Variants in LSAMP observed in about 807,000 individuals in gnomAD.
The protein encoded by LSAMP is limbic system-associated membrane protein.
Under a neutral mutation model 38.6 loss-of-function variants are expected in LSAMP, and 7 were observed. The ratio of observed to expected loss-of-function variants is 0.18; its 90% CI spans 0.10 to 0.34. The LOEUF is 0.34. Ranked by LOEUF, LSAMP falls within the 10% of genes least tolerant of loss-of-function variation. The pLI is 1.00. For missense variants in LSAMP, 313 were observed against 420.0 expected (o/e 0.75, Z 2.23); for synonymous variants, 154 against 166.8 (o/e 0.92, Z 0.59).
chr3:115,898,680 C>G (rs1207996790), intron 3 of LSAMP, among the ~76,000 whole-genome samples: 1 of 151,170 alleles, frequency 6.6e-6, no homozygotes, highest in Non-Finnish European at 1.5e-5. Flanking sequence ...TGAGACTCAC[C>G]TAGTACCCAG....
intron 1 of LSAMP, among the ~76,000 whole-genome samples, chr3:116,335,234 A>T (rs1576137916): frequency 6.6e-6 from 1 of 152,064 alleles, no homozygotes; most frequent in East Asian, 1.9e-4. Flanking sequence ...AAATGAAAAC[A>T]CATGTCATGT....
At chr3:116,013,010 T>C (rs1940376290) in intron 3 of LSAMP, among the ~76,000 whole-genome samples, 1 of 152,204 alleles carries the variant, frequency 6.6e-6, no homozygotes, top group Non-Finnish European at 1.5e-5. Context: ...CTAGGCCACG[T>C]ACAAAGTTTC....
intron 6 of LSAMP, among the ~76,000 whole-genome samples, chr3:115,826,145 C>T (rs965810610): frequency 2.1e-5 from 3 of 142,392 alleles, no homozygotes; most frequent in East Asian, 1.9e-4. Flanking sequence ...GACAGAGTCT[C>T]GATCTGTCAC....
intron 3 of LSAMP, among the ~76,000 whole-genome samples, chr3:115,955,221 A>G (rs1576253633): frequency 6.6e-6 from 1 of 152,110 alleles, no homozygotes; most frequent in African/African-American, 2.4e-5. Flanking sequence ...GGCGTGAGCC[A>G]CCGCGCCTGG....
chr3:116,444,926 G>C lies in LSAMP; in HGVS notation c.106C>G (p.Arg36Gly), dbSNP rs765575323. ...GLPVRSVDFNRGTDNITVRQG... is the reference protein window; with the variant it reads ...GLPVRSVDFNGGTDNITVRQG... ...CTCACGGTGATGTTGTCCGTGCCTCGGTTAAAATCCACGCTGCGAACAGGC... is the reference window on the plus strand; with the variant it reads ...CTCACGGTGATGTTGTCCGTGCCTCCGTTAAAATCCACGCTGCGAACAGGC... The change falls in exon 1 of 7, where the codon CGA becomes GGA. Residue 36 changes from arginine (R) to glycine (G), a missense_variant. Coordinates refer to ENST00000490035, the MANE Select transcript of LSAMP (RefSeq NM_002338.5). The C allele has an allele frequency of 2.5e-6, 4 of 1,614,060 alleles. No homozygotes were observed. The highest frequency in any genetic ancestry group is 1.6e-4 in the Middle Eastern group (1 of 6,062).
chr3:116,413,373 C>A (rs983893573), intron 1 of LSAMP, among the ~76,000 whole-genome samples: 2 of 151,972 alleles, frequency 1.3e-5, no homozygotes, highest in African/African-American at 4.8e-5. Flanking sequence ...CCAAATAACA[C>A]TTTCTCATTT....
chr3:115,881,918 G>A (rs1186864012), intron 3 of LSAMP, among the ~76,000 whole-genome samples: 1 of 152,010 alleles, frequency 6.6e-6, no homozygotes, highest in South Asian at 2.1e-4. Flanking sequence ...ATCCACCTGG[G>A]GCCCTCTCTG....
intron 6 of LSAMP, among the ~76,000 whole-genome samples, chr3:115,812,330 C>T (rs542823401): frequency 6.6e-6 from 1 of 152,186 alleles, no homozygotes; most frequent in South Asian, 2.1e-4. Context: ...ACCTTAGCTA[C>T]CTTCAGGTTC....
chr3:115,842,382 TG>T, intron 5 of LSAMP, 75 bp downstream of exon 5: 1 of 1,541,328 alleles, frequency 6.5e-7, no homozygotes, highest in Non-Finnish European at 8.7e-7. Context: ...GGCTTGGCTT[TG>T]GCTTTGTTGT....
At chr3:116,380,529 T>C (rs958320299) in intron 1 of LSAMP, among the ~76,000 whole-genome samples, 3 of 151,978 alleles carry the variant, frequency 2.0e-5, no homozygotes, top group Admixed American at 1.3e-4. Flanking sequence ...CCCACTCCCC[T>C]GCCACTGGTA....
chr3:116,297,053 G>A (rs1032318172), intron 1 of LSAMP, among the ~76,000 whole-genome samples: 2 of 152,150 alleles, frequency 1.3e-5, no homozygotes, highest in African/African-American at 4.8e-5. Flanking sequence ...AAATATGTCA[G>A]GATTCTGAGC....
intron 3 of LSAMP, among the ~76,000 whole-genome samples, chr3:115,999,067 C>T (rs1352311954): frequency 6.6e-6 from 1 of 152,130 alleles, no homozygotes; most frequent in African/African-American, 2.4e-5. Flanking sequence ...GTCATCCTTT[C>T]CCAGCTCAGA....
At chr3:115,913,253 C>T (rs1937172903) in intron 3 of LSAMP, among the ~76,000 whole-genome samples, 1 of 152,164 alleles carries the variant, frequency 6.6e-6, no homozygotes, top group Non-Finnish European at 1.5e-5. Context: ...GTATAATCTG[C>T]CTGTATAATG....
intron 6 of LSAMP, among the ~76,000 whole-genome samples, chr3:115,839,273 C>T (rs1464843490): frequency 9.0e-6 from 1 of 110,782 alleles, no homozygotes; most frequent in African/African-American, 3.8e-5. Flanking sequence ...TTCCTTCCTT[C>T]CTTCCTTCCT....
intron 1 of LSAMP, among the ~76,000 whole-genome samples, chr3:116,385,032 A>G (rs917945086): frequency 1.3e-5 from 2 of 152,002 alleles, no homozygotes; most frequent in African/African-American, 2.4e-5. Context: ...CATGTAAGTT[A>G]CTGAGCTTCA....
chr3:116,343,425 G>A (rs2048023433), intron 1 of LSAMP, among the ~76,000 whole-genome samples: 1 of 152,072 alleles, frequency 6.6e-6, no homozygotes, highest in Non-Finnish European at 1.5e-5. Flanking sequence ...AATCACCAGG[G>A]TCCACTTGTT....
At chr3:115,826,948 C>T (rs1232870229) in intron 6 of LSAMP, among the ~76,000 whole-genome samples, 2 of 140,484 alleles carry the variant, frequency 1.4e-5, no homozygotes, top group African/African-American at 5.5e-5. Context: ...TTAATGGGAT[C>T]ATTCCGTCTT....
chr3:115,933,875 G>C (rs1405597244), intron 3 of LSAMP, among the ~76,000 whole-genome samples: 1 of 152,202 alleles, frequency 6.6e-6, no homozygotes, highest in Non-Finnish European at 1.5e-5. Context: ...TACTATAGAA[G>C]AGTGTTTGGG....
At position 115,806,291 on chromosome 3, in the gene LSAMP, A is replaced by G. The variant is rs1306413285; in HGVS notation, c.*4026T>C. ...TCTTAATTTGTCTTATAATACATAC[A>G]TTATTGTAAATATAGCATCTATAAA... On this transcript the variant is annotated 3_prime_UTR_variant, in exon 7 of 7. Coordinates refer to ENST00000490035, the MANE Select transcript of LSAMP (RefSeq NM_002338.5). 1 of 152,208 alleles carries G rather than the reference A, an allele frequency of 6.6e-6. No homozygotes were observed. Among genetic ancestry groups the G allele is most frequent in the East Asian group, 1.9e-4 (1 of 5,198 alleles). The allele number at this position is 152,208 out of a possible 1,614,324, so 9.4% of individuals were successfully genotyped here. A position where few individuals can be genotyped will look rare whatever the true frequency, so the allele number is the denominator to read the frequency against.
Sources: allele counts gnomAD v4.1 joint callset (sites outside exome capture counted in the v4.1 genomes callset), GRCh38; gene constraint gnomAD v4.1.1; transcripts MANE v1.5; gene names NCBI Gene and HGNC (gene_info 2026-07-23, HGNC 2026-07-21).